Variants in CMYA5 observed in about 807,000 individuals in gnomAD.
CMYA5 encodes the protein cardiomyopathy associated 5, also known as cardiomyopathy-associated protein 5.
Under a neutral mutation model 318.9 loss-of-function variants are expected in CMYA5, and 246 were observed. The observed-to-expected ratio is 0.77, with a 90% CI of 0.70 to 0.86. The LOEUF is 0.86. Ranked by LOEUF, CMYA5 falls within the 40% of genes least tolerant of loss-of-function variation. The pLI, the probability that CMYA5 is intolerant of heterozygous loss-of-function variation, is 0.00. For missense variants in CMYA5, 4,589 were observed against 4,678.2 expected (o/e 0.98, Z 0.56); for synonymous variants, 1,641 against 1,729.5 (o/e 0.95, Z 1.27).
At chr5:79,761,157 C>T (rs554355053) in intron 7 of CMYA5, among the ~76,000 whole-genome samples, 1 of 152,232 alleles carries the variant, frequency 6.6e-6, no homozygotes, top group African/African-American at 2.4e-5. Flanking sequence ...ATAATGTTTA[C>T]TATTAAAATA....
At chr5:79,754,335 G>A (rs1401340016) in intron 6 of CMYA5, among the ~76,000 whole-genome samples, 1 of 152,162 alleles carries the variant, frequency 6.6e-6, no homozygotes, top group South Asian at 2.1e-4. Flanking sequence ...CAGCCCATAC[G>A]ATTTATTCCA....
At chr5:79,752,423 G>A (rs936835282) in intron 5 of CMYA5, among the ~76,000 whole-genome samples, 5 of 152,164 alleles carry the variant, frequency 3.3e-5, no homozygotes, top group African/African-American at 9.7e-5. Context: ...ACTTAAGACT[G>A]TATTGCTTGA....
chr5:79,733,498 C>T lies in CMYA5; in HGVS notation c.4733C>T (p.Ser1578Leu). The T allele has an allele frequency of 6.2e-7, 1 of 1,613,932 alleles. No homozygotes were observed. Among genetic ancestry groups the T allele is most frequent in the Non-Finnish European group, 8.5e-7 (1 of 1,179,840 alleles). ...SSSPELENLA[S>L]GLAPTLLLLS... ...TCTCCTGAGTTGGAAAATTTAGCAT[C>T]AGGTTTAGCCCCAACATTACTGCTC... Residue 1578 changes from serine (S) to leucine (L), a missense_variant, in exon 2 of 13, where the codon TCA becomes TTA. Physicochemically the swap from Ser to Leu is moderately radical, Grantham distance 145. This residue lies in a region of CMYA5 where 2,132 missense variants were observed against 2,131.3 expected (regional missense o/e 1.00). Transcript: ENST00000446378.
intron 12 of CMYA5, among the ~76,000 whole-genome samples, chr5:79,794,048 A>G (rs949043548): frequency 6.6e-6 from 1 of 152,154 alleles, no homozygotes; most frequent in South Asian, 2.1e-4. Flanking sequence ...AGAGACCACA[A>G]GGGTAATGCT....
At chr5:79,746,112 G>T (rs949074138) in intron 4 of CMYA5, among the ~76,000 whole-genome samples, 1 of 152,104 alleles carries the variant, frequency 6.6e-6, no homozygotes, top group Non-Finnish European at 1.5e-5. Flanking sequence ...TGAGATGCTG[G>T]GTCTCCATGA....
Position 79,734,915 on chromosome 5 carries a change from A to G in CMYA5, c.6150A>G (p.Lys2050=), listed in dbSNP as rs1258603133. 2 of 1,613,854 alleles carry G rather than the reference A, an allele frequency of 1.2e-6. No homozygotes were observed. The highest frequency in any genetic ancestry group is 1.3e-5 in the African/African-American group (1 of 75,030). ...IKLPPERFFQ[K]PVSGLSVEQV... is the part of the protein sequence containing the mutation. Reference sequence around the variant, plus strand: ...TACCTCCTGAAAGATTCTTCCAGAAACCAGTGTCTGGCCTATCAGTGGAAC... The same window carrying G: ...TACCTCCTGAAAGATTCTTCCAGAAGCCAGTGTCTGGCCTATCAGTGGAAC... The change falls in exon 2 of 13, where the codon AAA becomes AAG. Residue 2050 remains lysine (K), a synonymous_variant. Transcript: ENST00000446378.
chr5:79,795,924 A>G (rs1230889185), intron 12 of CMYA5, among the ~76,000 whole-genome samples: 6 of 152,220 alleles, frequency 3.9e-5, no homozygotes, highest in Admixed American at 6.5e-5. Context: ...AAAGCCAGCC[A>G]GGCAGAGAGT....
In CMYA5 at chr5:79,738,155, C is replaced by T. The variant is rs200184482; in HGVS notation, c.9390C>T (p.Thr3130=). The change falls in exon 2 of 13, where the codon ACC becomes ACT. Residue 3130 remains threonine (T), a synonymous_variant. Coordinates refer to ENST00000446378, the MANE Select transcript of CMYA5 (RefSeq NM_153610.5). ...ACAACATATTATCTCATCCAGAGACCCAAAGCCAAAACTCAGCTGACAGGA... is the reference window on the plus strand; with the variant it reads ...ACAACATATTATCTCATCCAGAGACTCAAAGCCAAAACTCAGCTGACAGGA... ...KGHNILSHPE[T]QSQNSADRNV... 3.1e-4 allele frequency: 498 copies of T among 1,613,642 alleles called. No homozygotes were observed. Among genetic ancestry groups the T allele is most frequent in the Non-Finnish European group, 4.0e-4 (477 of 1,179,858 alleles).
chr5:79,788,950 T>C (rs1829126086), intron 9 of CMYA5, 21 bp from the exon 10 acceptor site: 1 of 1,609,038 alleles, frequency 6.2e-7, no homozygotes, highest in Admixed American at 1.7e-5. Context: ...TTTAAAATTA[T>C]TATTTTCCTC....
Position 79,733,399 on chromosome 5 carries a change from C to T in CMYA5, c.4634C>T (p.Pro1545Leu). ...ATAAAGAAGAAAGAAACTGAACTTC[C>T]TTCATCACAAAATGTGTCACCTGCA... Reference protein sequence around the residue: ...GEIKKKETELPSSQNVSPASK... With the variant: ...GEIKKKETELLSSQNVSPASK... The change falls in exon 2 of 13, where the codon CCT becomes CTT. Residue 1545 changes from proline (P) to leucine (L), a missense_variant. Physicochemically the swap from Pro to Leu is moderately conservative, Grantham distance 98. This residue lies in a region of CMYA5 where 2,132 missense variants were observed against 2,131.3 expected (regional missense o/e 1.00). Transcript: ENST00000446378. The T allele has an allele frequency of 6.2e-7, 1 of 1,613,578 alleles. No homozygotes were observed.
chr5:79,739,510 T>A, intron 2 of CMYA5, 107 bp downstream of exon 2: 1 of 917,244 alleles, frequency 1.1e-6, no homozygotes, highest in Non-Finnish European at 1.5e-6. Context: ...CATTGATCTT[T>A]AAGCAGAATG....
At chr5:79,764,110 T>C (rs1424749200) in intron 9 of CMYA5, among the ~76,000 whole-genome samples, 1 of 152,018 alleles carries the variant, frequency 6.6e-6, no homozygotes, top group Non-Finnish European at 1.5e-5. Flanking sequence ...CATCAACCTG[T>C]CATCTGTATT....
chr5:79,697,942 T>C (rs1173045017), intron 1 of CMYA5, among the ~76,000 whole-genome samples: 1 of 152,200 alleles, frequency 6.6e-6, no homozygotes, highest in East Asian at 1.9e-4. Flanking sequence ...GTAGGTCTTA[T>C]GTTTAAAAAT....
intron 7 of CMYA5, among the ~76,000 whole-genome samples, chr5:79,759,754 A>G (rs566688256): frequency 4.6e-5 from 7 of 152,284 alleles, no homozygotes; most frequent in African/African-American, 1.7e-4. Flanking sequence ...GTAATCAGGA[A>G]TGAATGGTAA....
At chr5:79,690,672 CCCT>C (rs1233440522) in intron 1 of CMYA5, among the ~76,000 whole-genome samples, 1 of 152,162 alleles carries the variant, frequency 6.6e-6, no homozygotes, top group African/African-American at 2.4e-5. Flanking sequence ...CGATCTCCCA[CCCT>C]CCGTCCCTTT....
chr5:79,727,864 A>G (rs530345645), intron 1 of CMYA5, among the ~76,000 whole-genome samples: 1 of 152,320 alleles, frequency 6.6e-6, no homozygotes, highest in South Asian at 2.1e-4. Flanking sequence ...CTCGGAAGGG[A>G]TGAGAGACCA....
intron 9 of CMYA5, among the ~76,000 whole-genome samples, chr5:79,770,506 G>T (rs771158717): frequency 8.7e-4 from 133 of 152,316 alleles, no homozygotes; most frequent in Middle Eastern, 6.8e-3. Flanking sequence ...GGGCTGGAAT[G>T]CACTGTTCTT....
At chr5:79,799,317 C>T (rs2151102574) in intron 12 of CMYA5, 53 bp from the exon 13 acceptor site, 2 of 1,543,768 alleles carry the variant, frequency 1.3e-6, no homozygotes, top group Non-Finnish European at 1.8e-6. Flanking sequence ...CTTTCCTTTT[C>T]AAATTCCTTG....
chr5:79,728,059 T>A (rs72635617), intron 1 of CMYA5, among the ~76,000 whole-genome samples: 33,459 of 152,122 alleles, frequency 0.22, 6,584 homozygotes, highest in African/African-American at 0.52. Context: ...TTTAATCTTC[T>A]CAACAAGCTC....
Sources: gnomAD v4.1 joint callset for allele counts (sites outside exome capture counted in the v4.1 genomes callset) on GRCh38, gnomAD v4.1.1 for gene constraint, gnomAD v4.1.1 regional missense constraint, MANE v1.5 for transcripts, NCBI Gene and HGNC (gene_info 2026-07-23, HGNC 2026-07-21) for gene names.